NTNG1: variants seen among roughly 807,000 people sequenced by gnomAD.
NTNG1 encodes the protein netrin G1.
A neutral mutation model predicts 54.0 loss-of-function variants in NTNG1; 16 were observed. That is an observed-to-expected ratio of 0.30 (90% CI 0.20 to 0.45). The LOEUF (loss-of-function observed/expected upper bound fraction) is 0.45, where lower values mean the gene tolerates loss of function less well. Ranked by LOEUF, NTNG1 falls within the 20% of genes least tolerant of loss-of-function variation. The probability of loss-of-function intolerance (pLI) is 1.00; values close to 1 mark genes in which losing one functional copy is unlikely to be tolerated. For missense variants in NTNG1, 530 were observed against 678.7 expected (o/e 0.78, Z 2.43); for synonymous variants, 255 against 263.1 (o/e 0.97, Z 0.30).
chr1:107,436,941 T>A, intron 7 of NTNG1, 142 bp downstream of exon 7: 1 of 711,480 alleles, frequency 1.4e-6, no homozygotes, highest in Non-Finnish European at 2.2e-6. Context: ...CTGCGGCCAA[T>A]GTATTGGGAG....
intron 3 of NTNG1, among the ~76,000 whole-genome samples, chr1:107,353,144 T>C (rs1015035773): frequency 1.3e-5 from 2 of 152,220 alleles, no homozygotes; most frequent in African/African-American, 4.8e-5. Context: ...GCCTGCTTGA[T>C]CCTCTCCTAA....
chr1:107,344,340 T>C (rs1669092539), intron 3 of NTNG1, among the ~76,000 whole-genome samples: 1 of 152,196 alleles, frequency 6.6e-6, no homozygotes, highest in African/African-American at 2.4e-5. Flanking sequence ...GATCTGACTT[T>C]TTTTGTTTGT....
At chr1:107,158,818 G>T (rs1655194586) in intron 2 of NTNG1, among the ~76,000 whole-genome samples, 1 of 152,142 alleles carries the variant, frequency 6.6e-6, no homozygotes, top group Non-Finnish European at 1.5e-5. Flanking sequence ...CTGCCGAGAA[G>T]TTAAAAGACT....
intron 2 of NTNG1, among the ~76,000 whole-genome samples, chr1:107,159,508 A>G (rs921546684): frequency 1.3e-5 from 2 of 152,134 alleles, no homozygotes; most frequent in African/African-American, 4.8e-5. Context: ...TATAATCCTC[A>G]GTCCTATCTT....
intron 2 of NTNG1, among the ~76,000 whole-genome samples, chr1:107,268,025 C>A (rs1217942446): frequency 1.3e-5 from 2 of 152,148 alleles, no homozygotes; most frequent in Non-Finnish European, 2.9e-5. Flanking sequence ...TCTCTCTTAC[C>A]AAAGTGAGGA....
intron 2 of NTNG1, among the ~76,000 whole-genome samples, chr1:107,303,476 C>T (rs11185083): frequency 0.12 from 18,366 of 150,224 alleles, 1,309 homozygotes; most frequent in East Asian, 0.2. Flanking sequence ...TCAAAAATTA[C>T]AATGCAGATG....
chr1:107,386,176 T>TTCTTCCTTTGAAATGGGGTTTCACTC (rs1671983454), intron 3 of NTNG1, among the ~76,000 whole-genome samples: 2 of 140,912 alleles, frequency 1.4e-5, no homozygotes, highest in Non-Finnish European at 3.1e-5. Flanking sequence ...TTTTTTTTTT[T>TTCTTCCTTTGAAATGGGGTTTCACTC]TTCTTCCTTT....
At chr1:107,414,394 A>T (rs1378062896) in intron 5 of NTNG1, among the ~76,000 whole-genome samples, 2 of 152,206 alleles carry the variant, frequency 1.3e-5, no homozygotes, top group Admixed American at 6.6e-5. Context: ...TCATATTCTA[A>T]GCTGATGTGG....
At position 107,169,925 on chromosome 1, in the gene NTNG1, A is replaced by C. The variant is rs375124932; in HGVS notation, c.246+21086A>C. 5.3e-5 allele frequency among the ~76,000 whole-genome samples: 8 copies of C among 152,330 alleles called. No homozygotes were observed. The East Asian group carries it at 1.2e-3, about 22-fold the overall frequency. ...AAAGGGGAGTCTGGAACTCTTGTGC[A>C]CAGACTAAAGCTGCTGTCCACAGCT... On this transcript the variant is annotated intron_variant, in intron 2 of 7. Coordinates refer to ENST00000370068, the MANE Select transcript of NTNG1 (RefSeq NM_001113226.3).
intron 2 of NTNG1, among the ~76,000 whole-genome samples, chr1:107,231,819 C>T (rs547427627): frequency 3.9e-5 from 6 of 151,958 alleles, no homozygotes; most frequent in African/African-American, 9.7e-5. Flanking sequence ...TTGTTGCCAA[C>T]GAGAATGAAA....
intron 5 of NTNG1, among the ~76,000 whole-genome samples, chr1:107,428,787 G>A (rs1003651199): frequency 6.6e-6 from 1 of 152,132 alleles, no homozygotes; most frequent in African/African-American, 2.4e-5. Context: ...TCAGAAGTCA[G>A]TAATGCCAGT....
intron 3 of NTNG1, among the ~76,000 whole-genome samples, chr1:107,364,217 A>G (rs763006052): frequency 6.6e-6 from 1 of 152,184 alleles, no homozygotes; most frequent in Non-Finnish European, 1.5e-5. Context: ...TTCAGAATAT[A>G]CTTACTATTT....
chr1:107,460,705 G>A (rs1677231313), intron 7 of NTNG1, among the ~76,000 whole-genome samples: 1 of 152,134 alleles, frequency 6.6e-6, no homozygotes, highest in African/African-American at 2.4e-5. Context: ...AACTGATGCT[G>A]GAAACTGTCC....
intron 2 of NTNG1, among the ~76,000 whole-genome samples, chr1:107,281,303 A>C (rs1306895656): frequency 6.6e-6 from 1 of 152,162 alleles, no homozygotes; most frequent in Non-Finnish European, 1.5e-5. Context: ...TCAGTCTGCT[A>C]TCTTCACCCA....
intron 2 of NTNG1, among the ~76,000 whole-genome samples, chr1:107,245,064 A>G (rs1662102042): frequency 6.6e-6 from 1 of 152,228 alleles, no homozygotes; most frequent in African/African-American, 2.4e-5. Context: ...AACTGTATCA[A>G]AAAAAGACCC....
chr1:107,299,698 A>G (rs1225709984), intron 2 of NTNG1, among the ~76,000 whole-genome samples: 1 of 152,154 alleles, frequency 6.6e-6, no homozygotes, highest in Admixed American at 6.5e-5. Flanking sequence ...TCACTACTAT[A>G]TCAGTGCCTC....
At chr1:107,329,662 T>G (rs1177001922) in intron 3 of NTNG1, among the ~76,000 whole-genome samples, 1 of 152,178 alleles carries the variant, frequency 6.6e-6, no homozygotes, top group Non-Finnish European at 1.5e-5. Flanking sequence ...TTTAAAGCAT[T>G]GAGCCTGGCC....
At position 107,484,820 on chromosome 1, in the gene NTNG1, G is replaced by T. The variant is rs751529538; in HGVS notation, c.*3980G>T. The stretch of plus-strand genomic sequence containing the variant: ...TGTAAAGACCCAGCATTCTGAAATG[G>T]GATGCTCTGTACTATATGGGAAATG... On this transcript the variant is annotated 3_prime_UTR_variant, in exon 8 of 8. Coordinates refer to ENST00000370068, the MANE Select transcript of NTNG1 (RefSeq NM_001113226.3). 7.9e-5 allele frequency among the ~76,000 whole-genome samples: 12 copies of T among 152,170 alleles called. No individual in the cohort carries two copies. The highest frequency in any genetic ancestry group is 1.3e-4 in the Non-Finnish European group (9 of 68,036).
At chr1:107,352,716 T>G (rs1029021434) in intron 3 of NTNG1, among the ~76,000 whole-genome samples, 13 of 152,236 alleles carry the variant, frequency 8.5e-5, no homozygotes, top group Admixed American at 8.5e-4. Context: ...TGGATCAGCT[T>G]AAAGGCGGGC....
Sources: allele counts gnomAD v4.1 joint callset (sites outside exome capture counted in the v4.1 genomes callset), GRCh38; gene constraint gnomAD v4.1.1; transcripts MANE v1.5; gene names NCBI Gene and HGNC (gene_info 2026-07-23, HGNC 2026-07-21).